The following TRPC4 variants were observed in gnomAD, a reference collection of about 807,000 sequenced individuals.
TRPC4 encodes the protein short transient receptor potential channel 4.
TRPC4 carries 49 observed loss-of-function variants against 99.4 expected under a neutral mutation model. That is an observed-to-expected ratio of 0.49 (90% CI 0.39 to 0.63). The LOEUF is 0.63. Among genes scored for constraint, TRPC4 ranks in the 20% least tolerant of loss-of-function variants. The pLI is 0.00. For missense variants in TRPC4, 898 were observed against 1,152.9 expected (o/e 0.78, Z 3.20); for synonymous variants, 454 against 425.9 (o/e 1.07, Z -0.81).
chr13:37,865,357 AG>A (rs1219753563), intron 1 of TRPC4, among the ~76,000 whole-genome samples: 1 of 151,734 alleles, frequency 6.6e-6, no homozygotes, highest in Non-Finnish European at 1.5e-5. Context: ...GATGGTCAAA[AG>A]GTTAGCATGA....
At chr13:37,812,790 TAAAG>T (rs1308801897) in intron 1 of TRPC4, among the ~76,000 whole-genome samples, 1 of 151,800 alleles carries the variant, frequency 6.6e-6, no homozygotes, top group Non-Finnish European at 1.5e-5. Flanking sequence ...ACGAGAAACA[TAAAG>T]AAAACTACAG....
chr13:37,698,909 C>T (rs1954012030), intron 3 of TRPC4, among the ~76,000 whole-genome samples: 1 of 152,106 alleles, frequency 6.6e-6, no homozygotes, highest in African/African-American at 2.4e-5. Flanking sequence ...ATACCTATAC[C>T]TAGTTTCTCA....
At position 37,852,773 on chromosome 13, in the gene TRPC4, A is replaced by G. The variant is rs1297104265; in HGVS notation, c.-28+16822T>C. ...CCCAGGCTGTGCAGCGTTTACCACA[A>G]GCTGTCTGAAGAACTCTTGGGCATT... On this transcript the variant is annotated intron_variant, in intron 1 of 10. Transcript: ENST00000379705. 2.0e-5 allele frequency among the ~76,000 whole-genome samples: 3 copies of G among 152,100 alleles called. No individual in the cohort carries two copies. The East Asian group carries it at 5.8e-4, about 29-fold the overall frequency.
chr13:37,827,584 G>C (rs1190318191), intron 1 of TRPC4, among the ~76,000 whole-genome samples: 3 of 151,840 alleles, frequency 2.0e-5, no homozygotes, highest in Non-Finnish European at 2.9e-5. Context: ...TAGGCTGCTC[G>C]GGGGTCAGGG....
At chr13:37,826,489 C>T (rs1254254829) in intron 1 of TRPC4, among the ~76,000 whole-genome samples, 2 of 145,580 alleles carry the variant, frequency 1.4e-5, no homozygotes, top group South Asian at 2.3e-4. Context: ...AATCTCTCAG[C>T]ATTTGCTTGT....
chr13:37,696,099 A>G (rs1157041760), intron 3 of TRPC4, among the ~76,000 whole-genome samples: 1 of 152,222 alleles, frequency 6.6e-6, no homozygotes, highest in Non-Finnish European at 1.5e-5. Flanking sequence ...TTGTGGTGGT[A>G]GGTAAGAGGC....
At chr13:37,702,953 G>A (rs1238570502) in intron 3 of TRPC4, among the ~76,000 whole-genome samples, 6 of 152,048 alleles carry the variant, frequency 3.9e-5, no homozygotes, top group Non-Finnish European at 7.4e-5. Context: ...TGAAGATAGG[G>A]CTTTTTATGC....
intron 5 of TRPC4, among the ~76,000 whole-genome samples, chr13:37,670,187 T>C (rs918058791): frequency 5.9e-5 from 9 of 152,130 alleles, no homozygotes; most frequent in African/African-American, 2.2e-4. Context: ...AGAAATAAAT[T>C]TCTGTTGTTT....
chr13:37,654,156 G>A (rs1441568017), intron 7 of TRPC4, among the ~76,000 whole-genome samples: 1 of 152,002 alleles, frequency 6.6e-6, no homozygotes, highest in Non-Finnish European at 1.5e-5. Context: ...CCTCCCTAAG[G>A]ATGGTTGAAG....
chr13:37,824,451 A>G (rs1234001722), intron 1 of TRPC4, among the ~76,000 whole-genome samples: 1 of 151,984 alleles, frequency 6.6e-6, no homozygotes, highest in African/African-American at 2.4e-5. Flanking sequence ...CTTCCCATCA[A>G]TACCTAATTT....
intron 4 of TRPC4, among the ~76,000 whole-genome samples, chr13:37,680,934 G>A (rs1953215182): frequency 6.6e-6 from 1 of 152,128 alleles, no homozygotes; most frequent in Non-Finnish European, 1.5e-5. Flanking sequence ...ATTTCATTAT[G>A]TCTGACAGAT....
At chr13:37,660,493 T>A (rs565645337) in intron 6 of TRPC4, among the ~76,000 whole-genome samples, 1 of 152,164 alleles carries the variant, frequency 6.6e-6, no homozygotes, top group Non-Finnish European at 1.5e-5. Flanking sequence ...AGGCTTCTTT[T>A]AGGTTTACTT....
intron 3 of TRPC4, among the ~76,000 whole-genome samples, chr13:37,743,430 T>G (rs1302682206): frequency 1.3e-5 from 2 of 152,118 alleles, no homozygotes; most frequent in African/African-American, 4.8e-5. Context: ...GGTTTTGACA[T>G]TGAAACCACT....
chr13:37,825,845 A>G (rs377698219), intron 1 of TRPC4, among the ~76,000 whole-genome samples: 11 of 151,460 alleles, frequency 7.3e-5, no homozygotes, highest in Admixed American at 5.9e-4. Context: ...TTTCTGTCTC[A>G]TTGATCTGTC....
At chr13:37,804,651 A>G (rs924949439) in intron 1 of TRPC4, among the ~76,000 whole-genome samples, 1 of 152,244 alleles carries the variant, frequency 6.6e-6, no homozygotes, top group African/African-American at 2.4e-5. Context: ...GAAGTAAATA[A>G]GATTAATTTG....
intron 1 of TRPC4, among the ~76,000 whole-genome samples, chr13:37,789,685 C>CTTT (rs59029228): frequency 4.1e-5 from 6 of 146,494 alleles, no homozygotes; most frequent in African/African-American, 1.2e-4. Context: ...TACTTTATTT[C>CTTT]TTTTTTTTTT....
At chr13:37,808,015 C>T (rs1957574146) in intron 1 of TRPC4, among the ~76,000 whole-genome samples, 1 of 152,052 alleles carries the variant, frequency 6.6e-6, no homozygotes, top group Non-Finnish European at 1.5e-5. Context: ...AGGCCTTGTT[C>T]CTCTCACATT....
rs1471697147 is a variant in TRPC4, at chr13:37,848,195, A to G, written c.-28+21400T>C. On this transcript the variant is annotated intron_variant, in intron 1 of 10. Transcript: ENST00000379705. ...TCACCATAAAGAAAATAGATAAATA[A>G]GGTGATTAATATATTAATTAGTTTA... Among the ~76,000 whole-genome samples, 4 of 152,174 alleles carry G rather than the reference A, an allele frequency of 2.6e-5. No individual in the cohort carries two copies. In the East Asian group the frequency reaches 7.7e-4, roughly 29 times the overall value.
At chr13:37,665,860 A>T (rs901475030) in intron 5 of TRPC4, among the ~76,000 whole-genome samples, 1 of 151,738 alleles carries the variant, frequency 6.6e-6, no homozygotes, top group African/African-American at 2.4e-5. Context: ...AAAAAAAAAA[A>T]AAATACATAA....
Sources: allele counts gnomAD v4.1 joint callset (sites outside exome capture counted in the v4.1 genomes callset), GRCh38; gene constraint gnomAD v4.1.1; transcripts MANE v1.5; gene names NCBI Gene and HGNC (gene_info 2026-07-23, HGNC 2026-07-21).